The following MTMR8 variants were observed in gnomAD, a reference collection of about 807,000 sequenced individuals.
The protein encoded by MTMR8 is phosphatidylinositol-3,5-bisphosphate 3-phosphatase MTMR8.
MTMR8 carries 65 observed loss-of-function variants against 39.3 expected under a neutral mutation model. The ratio of observed to expected loss-of-function variants is 1.65; its 90% CI spans 1.35 to 2.03. The LOEUF (loss-of-function observed/expected upper bound fraction) is 2.03, where lower values mean the gene tolerates loss of function less well. Among genes scored for constraint, MTMR8 ranks in the 30% most tolerant of loss-of-function variants. The pLI is 0.00. For missense variants in MTMR8, 777 were observed against 538.9 expected, an observed-to-expected ratio of 1.44 and a Z score of -4.37; for synonymous variants, 245 against 185.2, an observed-to-expected ratio of 1.32 and a Z score of -2.62.
chrX:64,268,747 G>A lies in MTMR8; in HGVS notation c.1905C>T (p.Gly635=), dbSNP rs1443008247. The part of the protein sequence containing the change: ...SGDVGISEAM[G]ISGDMCTFEA... ...CAAAGGTGCACATGTCTCCAGAGAT[G>A]CCCATGGCCTCAGAGATGCCCACAT... Residue 635 remains glycine, a synonymous_variant, in exon 14 of 14, where the codon GGC becomes GGT. Transcript: ENST00000374852. 3.3e-6 allele frequency: 4 copies of A among 1,209,766 alleles called. No individual in the cohort carries two copies. The highest frequency in any genetic ancestry group is 4.5e-6 in the Non-Finnish European group (4 of 895,229).
At chrX:64,285,850 C>T (rs1212867502) in intron 12 of MTMR8, among the ~76,000 whole-genome samples, 4 of 110,873 alleles carry the variant, frequency 3.6e-5, no homozygotes, top group Non-Finnish European at 7.6e-5. Flanking sequence ...ATTTATAGCA[C>T]TAAATGCCCA....
intron 12 of MTMR8, among the ~76,000 whole-genome samples, chrX:64,300,220 T>G (rs1248870812): frequency 5.5e-5 from 6 of 109,420 alleles, no homozygotes; most frequent in Non-Finnish European, 1.1e-4. Context: ...AGTCTAAGTC[T>G]CTTTGTAGGT....
intron 12 of MTMR8, among the ~76,000 whole-genome samples, chrX:64,299,474 T>C (rs1229298823): frequency 1.9e-5 from 2 of 106,648 alleles, no homozygotes; most frequent in African/African-American, 6.9e-5. Flanking sequence ...CTCTCTTTTT[T>C]TCTTTATTAG....
chrX:64,308,421 G>A (rs1241583812), intron 12 of MTMR8, among the ~76,000 whole-genome samples: 6 of 103,620 alleles, frequency 5.8e-5, no homozygotes, highest in Admixed American at 1.1e-4. Flanking sequence ...CACTGGACTC[G>A]GCCTCCCAAA....
chrX:64,273,101 C>T (rs1931796258), intron 12 of MTMR8, among the ~76,000 whole-genome samples: 1 of 111,056 alleles, frequency 9.0e-6, no homozygotes, highest in Non-Finnish European at 1.9e-5. Context: ...TAAATAGCAA[C>T]ACAGTAGCAT....
At chrX:64,384,327 A>T (rs1051194616) in intron 1 of MTMR8, among the ~76,000 whole-genome samples, 1 of 110,974 alleles carries the variant, frequency 9.0e-6, no homozygotes, top group African/African-American at 3.3e-5. Flanking sequence ...CAGGGTGCAA[A>T]CTACCAGTGG....
Position 64,268,946 on chromosome X carries a change from G to T in MTMR8, c.1706C>A (p.Pro569His), listed in dbSNP as rs867344788. 2 of 1,209,916 alleles carry T rather than the reference G, an allele frequency of 1.7e-6. No individual in the cohort carries two copies. Among genetic ancestry groups the T allele is most frequent in the Non-Finnish European group, 2.2e-6 (2 of 895,187 alleles). ...SQHLGSPLTN[P>H]LGFMGINGDL... ...TCCATTGATACCCATAAAGCCAAGAGGATTGGTCAAAGGACTTCCCAGATG... is the reference window on the plus strand; with the variant it reads ...TCCATTGATACCCATAAAGCCAAGATGATTGGTCAAAGGACTTCCCAGATG... The change falls in exon 14 of 14, where the codon CCT (proline) becomes CAT (histidine). Residue 569 changes from proline to histidine, a missense_variant. Transcript: ENST00000374852.
chrX:64,356,195 C>A lies in MTMR8; in HGVS notation c.291G>T (p.Leu97=). ...AACTACCTGGCTGAGAAAGCTTGAG[C>A]AGTGAAATATAAACCTCATGGCACA... ...DLVCHEVYIS[L]LKLSQPALPE... Residue 97 remains leucine, a synonymous_variant, in exon 3 of 14, where the codon CTG becomes CTT. Coordinates refer to ENST00000374852, the MANE Select transcript of MTMR8 (RefSeq NM_017677.4). 1 of 1,206,554 alleles carries A rather than the reference C, an allele frequency of 8.3e-7. No homozygotes were observed. The highest frequency in any genetic ancestry group is 1.7e-5 in the African/African-American group (1 of 57,487).
intron 1 of MTMR8, among the ~76,000 whole-genome samples, chrX:64,368,060 G>A (rs1352202701): frequency 2.7e-5 from 3 of 111,513 alleles, no homozygotes; most frequent in African/African-American, 3.3e-5. Context: ...GGATGTGAAG[G>A]ACCTCTTCAT....
intron 1 of MTMR8, among the ~76,000 whole-genome samples, chrX:64,381,371 G>T (rs1438700539): frequency 9.0e-6 from 1 of 110,811 alleles, no homozygotes; most frequent in East Asian, 2.8e-4. Flanking sequence ...ATTTTTTCAT[G>T]TGTCTTTTGG....
At chrX:64,363,634 G>A (rs987516116) in intron 1 of MTMR8, among the ~76,000 whole-genome samples, 25 of 111,652 alleles carry the variant, frequency 2.2e-4, no homozygotes, top group South Asian at 7.5e-4. Context: ...TAATATGGCC[G>A]AATAGGAACA....
intron 11 of MTMR8, among the ~76,000 whole-genome samples, chrX:64,329,466 T>A (rs996686821): frequency 2.7e-5 from 3 of 111,471 alleles, no homozygotes; most frequent in Admixed American, 9.6e-5. Flanking sequence ...ATGTCATGAG[T>A]TATCCCAGGT....
At chrX:64,289,664 A>C (rs943317392) in intron 12 of MTMR8, among the ~76,000 whole-genome samples, 1 of 103,223 alleles carries the variant, frequency 9.7e-6, no homozygotes, top group African/African-American at 3.6e-5. Flanking sequence ...AAAAAAAATT[A>C]AGTTGGGAGC....
At chrX:64,314,005 T>G (rs1922389084) in intron 12 of MTMR8, among the ~76,000 whole-genome samples, 1 of 112,296 alleles carries the variant, frequency 8.9e-6, no homozygotes, top group African/African-American at 3.2e-5. Context: ...AAAGGTGGGT[T>G]CAGTTGACTG....
Position 64,268,641 on chromosome X carries a change from C to T in MTMR8, c.2011G>A (p.Gly671Ser). The T allele has an allele frequency of 5.0e-6, 6 of 1,211,560 alleles. No homozygotes were observed. The highest frequency in any genetic ancestry group is 6.7e-6 in the Non-Finnish European group (6 of 895,506). ...SEATGISGNL[G>S]ISEARGFSGD... ...GAGAAACCCCTGGCCTCAGAAATACCCAAGTTTCCAGAGATGCCAGTGGCC... is the reference window on the plus strand; with the variant it reads ...GAGAAACCCCTGGCCTCAGAAATACTCAAGTTTCCAGAGATGCCAGTGGCC... Residue 671 changes from glycine (G) to serine (S), a missense_variant, in exon 14 of 14, where the codon GGT becomes AGT. By Grantham distance (56) the Gly-to-Ser change is moderately conservative (BLOSUM62 0). Coordinates refer to ENST00000374852, the MANE Select transcript of MTMR8 (RefSeq NM_017677.4).
At chrX:64,270,742 A>T (rs1179376401) in intron 13 of MTMR8, among the ~76,000 whole-genome samples, 2 of 111,886 alleles carry the variant, frequency 1.8e-5, no homozygotes, top group Non-Finnish European at 3.8e-5. Context: ...TCACTTGTTT[A>T]TCTAGTTGAG....
At chrX:64,301,000 G>C (rs1314726361) in intron 12 of MTMR8, among the ~76,000 whole-genome samples, 3 of 106,082 alleles carry the variant, frequency 2.8e-5, no homozygotes, top group African/African-American at 1.0e-4. Context: ...CTCTCTGGCT[G>C]CCCTTAACAT....
At position 64,337,412 on chromosome X, in the gene MTMR8, A is replaced by G; in HGVS notation, c.976-19T>C. 8.3e-7 allele frequency: 1 copy of G among 1,203,780 alleles called. No individual in the cohort carries two copies. Among genetic ancestry groups the G allele is most frequent in the Non-Finnish European group, 1.1e-6 (1 of 891,147 alleles). On this transcript the variant is annotated intron_variant, in intron 8 of 13. Coordinates refer to ENST00000374852, the MANE Select transcript of MTMR8 (RefSeq NM_017677.4). Reference sequence around the variant, plus strand: ...TCACTGCCTGTGAAGACAAGAGGCAAAAAAGTACCACAAGCAACCTTTGCA... The same window carrying G: ...TCACTGCCTGTGAAGACAAGAGGCAGAAAAGTACCACAAGCAACCTTTGCA...
At chrX:64,393,568 G>A (rs1924746718) in intron 1 of MTMR8, among the ~76,000 whole-genome samples, 1 of 112,056 alleles carries the variant, frequency 8.9e-6, no homozygotes, top group Non-Finnish European at 1.9e-5. Flanking sequence ...GACAAGTAAC[G>A]TGGCCCAAGC....
Sources: gnomAD v4.1 joint callset for allele counts (sites outside exome capture counted in the v4.1 genomes callset) on GRCh38, gnomAD v4.1.1 for gene constraint, MANE v1.5 for transcripts, NCBI Gene and HGNC (gene_info 2026-07-23, HGNC 2026-07-21) for gene names.